The following GRM3 variants were observed in gnomAD, a reference collection of about 807,000 sequenced individuals.
The protein encoded by GRM3 is glutamate metabotropic receptor 3.
A neutral mutation model predicts 70.5 loss-of-function variants in GRM3; 26 were observed. That is an observed-to-expected ratio of 0.37 (90% CI 0.27 to 0.51). The LOEUF (loss-of-function observed/expected upper bound fraction) is 0.51, where lower values mean the gene tolerates loss of function less well. Among genes scored for constraint, GRM3 ranks in the 20% least tolerant of loss-of-function variants. The pLI, the probability that GRM3 is intolerant of heterozygous loss-of-function variation, is 0.93. For missense variants in GRM3, 859 were observed against 1,123.8 expected (o/e 0.76, Z 3.37); for synonymous variants, 443 against 434.9 (o/e 1.02, Z -0.23).
At position 86,787,116 on chromosome 7, in the gene GRM3, G is replaced by A. The variant is rs764544146; in HGVS notation, c.1324G>A (p.Ala442Thr). Residue 442 changes from alanine to threonine, a missense_variant and splice_region_variant, in exon 3 of 6, where the codon GCT becomes ACT. By Grantham distance (58) the Ala-to-Thr change is moderately conservative. Transcript: ENST00000361669. ...TTACTTGCTGAAAATCAACTTCACGGGTAAGCCAAGAGCCTTTAAACATCT... is the reference window on the plus strand; with the variant it reads ...TTACTTGCTGAAAATCAACTTCACGAGTAAGCCAAGAGCCTTTAAACATCT... ...KDYLLKINFT[A>T]PFNPNKDADS... The A allele has an allele frequency of 1.3e-6, 2 of 1,597,230 alleles. No homozygotes were observed. The highest frequency in any genetic ancestry group is 2.2e-5 in the East Asian group (1 of 44,564).
At chr7:86,724,479 T>A (rs1385014666) in intron 1 of GRM3, among the ~76,000 whole-genome samples, 1 of 152,128 alleles carries the variant, frequency 6.6e-6, no homozygotes, top group African/African-American at 2.4e-5. Flanking sequence ...GTTGTTTTCC[T>A]AGGAGCCCTT....
Position 86,773,385 on chromosome 7 carries a change from C to T in GRM3, c.468+7772C>T, listed in dbSNP as rs115588566. ...TTTATTTATTTATTTATTTTACTTTCAACATCTCCAGCCCAAAAGGAACAG... is the reference window on the plus strand; with the variant it reads ...TTTATTTATTTATTTATTTTACTTTTAACATCTCCAGCCCAAAAGGAACAG... On this transcript the variant is annotated intron_variant, in intron 2 of 5. Transcript: ENST00000361669. 2.8e-3 allele frequency among the ~76,000 whole-genome samples: 426 copies of T among 151,970 alleles called. 4 individuals carry two copies. Among genetic ancestry groups the T allele is most frequent in the African/African-American group, 9.9e-3 (411 of 41,436 alleles).
chr7:86,785,547 A>G (rs1797207206), intron 2 of GRM3, among the ~76,000 whole-genome samples: 1 of 152,136 alleles, frequency 6.6e-6, no homozygotes, highest in South Asian at 2.1e-4. Flanking sequence ...ATAGAATTCT[A>G]TATTATTTCT....
chr7:86,801,673 C>A (rs1797686899), intron 3 of GRM3, among the ~76,000 whole-genome samples: 1 of 152,116 alleles, frequency 6.6e-6, no homozygotes, highest in South Asian at 2.1e-4. Context: ...AAGAGAGTAA[C>A]TTTTACAATA....
chr7:86,826,820 T>C (rs1798243597), intron 3 of GRM3, among the ~76,000 whole-genome samples: 1 of 152,180 alleles, frequency 6.6e-6, no homozygotes, highest in African/African-American at 2.4e-5. Context: ...TTCAGCAACA[T>C]CCCTGGCCTC....
chr7:86,770,741 G>GA (rs1796719605), intron 2 of GRM3, among the ~76,000 whole-genome samples: 1 of 152,044 alleles, frequency 6.6e-6, no homozygotes, highest in South Asian at 2.1e-4. Context: ...AGGAGCATAG[G>GA]AAAAATAGTT....
intron 4 of GRM3, among the ~76,000 whole-genome samples, 175 bp downstream of exon 4, chr7:86,840,080 A>C (rs1051204565): frequency 1.3e-5 from 2 of 152,242 alleles, no homozygotes; most frequent in African/African-American, 4.8e-5. Context: ...GCATTTAATT[A>C]GTACCTACCA....
intron 1 of GRM3, among the ~76,000 whole-genome samples, chr7:86,711,862 C>G (rs1795207562): frequency 6.6e-6 from 1 of 152,014 alleles, no homozygotes; most frequent in African/African-American, 2.4e-5. Context: ...GAACCTAGAT[C>G]CATCTCTTCT....
At chr7:86,845,213 C>T (rs891624504) in intron 4 of GRM3, among the ~76,000 whole-genome samples, 1 of 152,208 alleles carries the variant, frequency 6.6e-6, no homozygotes, top group South Asian at 2.1e-4. Context: ...TACAAGGCAA[C>T]GCAGAGTGGG....
chr7:86,788,781 C>T (rs1252509137), intron 3 of GRM3, among the ~76,000 whole-genome samples: 1 of 152,128 alleles, frequency 6.6e-6, no homozygotes, highest in African/African-American at 2.4e-5. Context: ...GCACATACTC[C>T]CCATCAGACT....
Position 86,786,594 on chromosome 7 carries a change from A to G in GRM3, c.802A>G (p.Asn268Asp). 6.2e-7 allele frequency: 1 copy of G among 1,613,744 alleles called. No individual in the cohort carries two copies. The highest frequency in any genetic ancestry group is 1.7e-5 in the Admixed American group (1 of 60,032). The change falls in exon 3 of 6, where the codon AAC becomes GAC. Residue 268 changes from asparagine (N) to aspartate (D), a missense_variant. Transcript: ENST00000361669. This position sits in a 1 kb window ranked among gnomAD's most constrained non-coding sequence, Gnocchi z 6.0. ...SVIRELLQKPNARVVVLFMRS... is the reference protein window; with the variant it reads ...SVIRELLQKPDARVVVLFMRS... ...GATCCGAGAACTGTTGCAGAAGCCC[A>G]ACGCGCGCGTCGTGGTCCTCTTCAT...
intron 3 of GRM3, among the ~76,000 whole-genome samples, chr7:86,830,675 CT>C (rs1352807999): frequency 1.3e-5 from 2 of 152,222 alleles, no homozygotes; most frequent in East Asian, 3.9e-4. Context: ...ATAATACATA[CT>C]TACATTAATA....
rs772273692 is a variant in GRM3 at position 86,765,132 on chromosome 7, C to G, written c.-14C>G. ...CCACCATTGATATCTCCCAGAGGTA[C>G]AGAAACAGGATTCATGAAGATGTTG... On this transcript the variant is annotated 5_prime_UTR_variant, in exon 2 of 6. Transcript: ENST00000361669. The G allele has an allele frequency of 6.4e-7, 1 of 1,552,860 alleles. No individual in the cohort carries two copies. Among genetic ancestry groups the G allele is most frequent in the South Asian group, 1.3e-5 (1 of 78,870 alleles).
intron 1 of GRM3, among the ~76,000 whole-genome samples, chr7:86,661,917 T>G (rs894375534): frequency 2.0e-5 from 3 of 151,854 alleles, no homozygotes; most frequent in Admixed American, 1.3e-4. Context: ...GTTTAATGCT[T>G]CTGTAATTGA....
intron 1 of GRM3, among the ~76,000 whole-genome samples, chr7:86,747,418 T>C (rs943888964): frequency 6.6e-6 from 1 of 152,096 alleles, no homozygotes; most frequent in African/African-American, 2.4e-5. Context: ...TAAGCTCATT[T>C]TATTTTATAA....
At chr7:86,724,555 G>C (rs369401118) in intron 1 of GRM3, among the ~76,000 whole-genome samples, 6 of 152,224 alleles carry the variant, frequency 3.9e-5, no homozygotes, top group Admixed American at 6.6e-5. Flanking sequence ...CTGTCCCATG[G>C]TTGGAAAGTT....
At chr7:86,833,427 G>T (rs533134755) in intron 3 of GRM3, among the ~76,000 whole-genome samples, 1 of 151,842 alleles carries the variant, frequency 6.6e-6, no homozygotes, top group Non-Finnish European at 1.5e-5. Context: ...AGAAAAAAAA[G>T]AACTATACAA....
intron 1 of GRM3, among the ~76,000 whole-genome samples, chr7:86,723,771 C>T (rs773897545): frequency 5.9e-5 from 9 of 152,024 alleles, no homozygotes; most frequent in Non-Finnish European, 1.2e-4. Flanking sequence ...GTTTTCTCTG[C>T]CCCTAGTTGC....
At chr7:86,666,954 AAGGTTGTCAT>A (rs1425543388) in intron 1 of GRM3, among the ~76,000 whole-genome samples, 1 of 152,108 alleles carries the variant, frequency 6.6e-6, no homozygotes, top group Non-Finnish European at 1.5e-5. Context: ...CTTTGACGCT[AAGGTTGTCAT>A]AGGCGACTAT....
Sources: gnomAD v4.1 joint callset for allele counts (sites outside exome capture counted in the v4.1 genomes callset) on GRCh38, gnomAD v4.1.1 for gene constraint, Gnocchi (gnomAD v3.1) non-coding constraint, MANE v1.5 for transcripts, NCBI Gene and HGNC (gene_info 2026-07-23, HGNC 2026-07-21) for gene names.